GRIN2A: variants seen among roughly 807,000 people sequenced by gnomAD.
GRIN2A encodes the protein glutamate receptor ionotropic, NMDA 2A.
Under a neutral mutation model 113.4 loss-of-function variants are expected in GRIN2A, and 22 were observed. That is an observed-to-expected ratio of 0.19 (90% CI 0.14 to 0.28). The LOEUF (loss-of-function observed/expected upper bound fraction) is 0.28. Ranked by LOEUF, GRIN2A falls within the 10% of genes least tolerant of loss-of-function variation. The pLI is 1.00. For synonymous variants in GRIN2A, 827 were observed against 738.4 expected (o/e 1.12, Z -1.94); for missense variants, 1,502 against 1,887.0 (o/e 0.80, Z 3.78).
chr16:10,018,647 G>T (rs951796227), intron 2 of GRIN2A, among the ~76,000 whole-genome samples: 1 of 152,082 alleles, frequency 6.6e-6, no homozygotes, highest in Non-Finnish European at 1.5e-5. Flanking sequence ...CTCTATCCAG[G>T]GAGGTGATTG....
chr16:10,143,963 C>A (rs921508450), intron 2 of GRIN2A, among the ~76,000 whole-genome samples: 3 of 151,846 alleles, frequency 2.0e-5, no homozygotes, highest in African/African-American at 7.3e-5. Context: ...GAGACTCTGT[C>A]TCAAAAAAAA....
intron 2 of GRIN2A, among the ~76,000 whole-genome samples, chr16:10,062,772 G>A (rs995918537): frequency 6.6e-6 from 1 of 151,972 alleles, no homozygotes; most frequent in African/African-American, 2.4e-5. Context: ...GGCAGTGGTA[G>A]AAGAATTGCT....
rs1199618657 is a variant in GRIN2A, at chr16:9,755,538, G to C, written c.*7611C>G. 5.5e-6 allele frequency: 1 copy of C among 183,124 alleles called. No individual in the cohort carries two copies. Among genetic ancestry groups the C allele is most frequent in the Non-Finnish European group, 1.2e-5 (1 of 86,058 alleles). 11.3% of individuals were successfully genotyped at this position (183,124 alleles called of 1,614,324 possible). A position where few individuals can be genotyped will look rare whatever the true frequency, so the allele number is the denominator to read the frequency against. On this transcript the variant is annotated 3_prime_UTR_variant, in exon 13 of 13. Transcript: ENST00000330684. ...TAGCTAACTCTCCAGAGAATTCATG[G>C]AGACTCCCAGAAAGACATTCCTTCA...
chr16:9,858,761 A>T (rs189577270), intron 4 of GRIN2A, among the ~76,000 whole-genome samples: 422 of 152,294 alleles, frequency 2.8e-3, no homozygotes, highest in African/African-American at 8.5e-3. Context: ...TAGAGCAGAG[A>T]TAATTTCATC....
chr16:10,049,800 C>G (rs971160706), intron 2 of GRIN2A, among the ~76,000 whole-genome samples: 2 of 152,190 alleles, frequency 1.3e-5, no homozygotes, highest in African/African-American at 4.8e-5. Context: ...GATGGAAGCT[C>G]TATAATGGCA....
chr16:9,776,247 C>T (rs180909071), intron 11 of GRIN2A, among the ~76,000 whole-genome samples: 15 of 151,134 alleles, frequency 9.9e-5, no homozygotes, highest in South Asian at 8.4e-4. Flanking sequence ...GTAAATATGA[C>T]GCCATGGTTT....
At chr16:10,046,857 C>G (rs1300749305) in intron 2 of GRIN2A, among the ~76,000 whole-genome samples, 1 of 152,248 alleles carries the variant, frequency 6.6e-6, no homozygotes, top group Admixed American at 6.5e-5. Context: ...CCACCCAACA[C>G]TCAGACTTCA....
chr16:10,101,299 C>G (rs2048389307), intron 2 of GRIN2A, among the ~76,000 whole-genome samples: 1 of 152,194 alleles, frequency 6.6e-6, no homozygotes, highest in Admixed American at 6.5e-5. Context: ...GCCCCTAACT[C>G]CATCTCAGCA....
At chr16:10,086,831 C>T (rs2142070297) in intron 2 of GRIN2A, among the ~76,000 whole-genome samples, 1 of 152,298 alleles carries the variant, frequency 6.6e-6, no homozygotes, top group East Asian at 1.9e-4. Flanking sequence ...CACCATGACA[C>T]TCATGGTAAG....
intron 3 of GRIN2A, among the ~76,000 whole-genome samples, chr16:9,936,429 T>C (rs1259007266): frequency 6.6e-6 from 1 of 152,174 alleles, no homozygotes; most frequent in Non-Finnish European, 1.5e-5. Flanking sequence ...GAGACAAGCT[T>C]TGAACCCAGA....
At chr16:10,115,449 T>C (rs1436990232) in intron 2 of GRIN2A, among the ~76,000 whole-genome samples, 2 of 152,210 alleles carry the variant, frequency 1.3e-5, no homozygotes, top group African/African-American at 2.4e-5. Flanking sequence ...TTGTCTTAGA[T>C]GCCAGAAACC....
At chr16:9,846,917 C>G (rs2042782652) in intron 5 of GRIN2A, among the ~76,000 whole-genome samples, 1 of 152,160 alleles carries the variant, frequency 6.6e-6, no homozygotes, top group Non-Finnish European at 1.5e-5. Flanking sequence ...GGATCAGGGC[C>G]TTGGAGGTGG....
At chr16:10,072,343 C>T (rs2047770245) in intron 2 of GRIN2A, among the ~76,000 whole-genome samples, 1 of 152,172 alleles carries the variant, frequency 6.6e-6, no homozygotes, top group Admixed American at 6.5e-5. Context: ...CTTCCAAATC[C>T]AGCTGACCTG....
chr16:9,770,712 T>A (rs7196797), intron 11 of GRIN2A, among the ~76,000 whole-genome samples: 56,698 of 152,128 alleles, frequency 0.37, 10,939 homozygotes, highest in Non-Finnish European at 0.43. Flanking sequence ...ACTTTAGTTC[T>A]GGCAAAAATT....
intron 2 of GRIN2A, among the ~76,000 whole-genome samples, chr16:10,066,881 A>G (rs1258614870): frequency 6.6e-6 from 1 of 152,228 alleles, no homozygotes; most frequent in Non-Finnish European, 1.5e-5. Flanking sequence ...GGAACAACCC[A>G]AATGTCCATT....
chr16:10,040,813 G>A (rs965105175), intron 2 of GRIN2A, among the ~76,000 whole-genome samples: 3 of 152,202 alleles, frequency 2.0e-5, no homozygotes, highest in East Asian at 3.8e-4. Context: ...TGAATAAGCC[G>A]CTCTGGAGGC....
chr16:9,818,970 C>A (rs947043587), intron 10 of GRIN2A, among the ~76,000 whole-genome samples: 2 of 151,976 alleles, frequency 1.3e-5, no homozygotes, highest in African/African-American at 4.8e-5. Context: ...AAATGTCCAA[C>A]AATAGAGGCC....
At chr16:10,146,194 T>A (rs2049436150) in intron 2 of GRIN2A, among the ~76,000 whole-genome samples, 1 of 152,050 alleles carries the variant, frequency 6.6e-6, no homozygotes, top group South Asian at 2.1e-4. Flanking sequence ...CTCGGCTCAC[T>A]GCAACCTCCA....
chr16:9,836,224 G>C (rs753917786), intron 7 of GRIN2A, among the ~76,000 whole-genome samples: 2 of 152,190 alleles, frequency 1.3e-5, no homozygotes, highest in African/African-American at 2.4e-5. Flanking sequence ...GTGTTTGTTC[G>C]TGTGTGAGGC....
Sources: gnomAD v4.1 joint callset for allele counts (sites outside exome capture counted in the v4.1 genomes callset) on GRCh38, gnomAD v4.1.1 for gene constraint, MANE v1.5 for transcripts, NCBI Gene and HGNC (gene_info 2026-07-23, HGNC 2026-07-21) for gene names.